DLGAP1: variants seen among roughly 807,000 people sequenced by gnomAD.
The protein encoded by DLGAP1 is DLG associated protein 1, also known as disks large-associated protein 1.
Under a neutral mutation model 90.8 loss-of-function variants are expected in DLGAP1, and 11 were observed. That is an observed-to-expected ratio of 0.12 (90% CI 0.08 to 0.20). DLGAP1 has a LOEUF of 0.20. Ranked by LOEUF, DLGAP1 falls within the 10% of genes least tolerant of loss-of-function variation. DLGAP1 has a pLI of 1.00. For missense variants in DLGAP1, 1,050 were observed against 1,333.8 expected (o/e 0.79, Z 3.31); for synonymous variants, 558 against 540.7 (o/e 1.03, Z -0.44).
chr18:4,232,077 GTAT>G (rs1322967165), intron 1 of DLGAP1, among the ~76,000 whole-genome samples: 1 of 152,028 alleles, frequency 6.6e-6, no homozygotes, highest in East Asian at 1.9e-4. Flanking sequence ...TAAAGGTAAG[GTAT>G]TATTAAATCA....
At chr18:4,034,039 T>A (rs1454787790) in intron 2 of DLGAP1, among the ~76,000 whole-genome samples, 1 of 128,920 alleles carries the variant, frequency 7.8e-6, no homozygotes, top group Non-Finnish European at 1.6e-5. Context: ...GCCCGGCCCT[T>A]TTTTTTTTTT....
chr18:3,601,846 G>GAAA lies in DLGAP1; in HGVS notation c.1592-19601_1592-19599dup, dbSNP rs60470269. ...GGTGACAGAGCGAGACTCCATCTCGGAAAAAAAAAAAAATTAGCTGGGCGT... is the reference window on the plus strand; with the variant it reads ...GGTGACAGAGCGAGACTCCATCTCGGAAAAAAAAAAAAAAAATTAGCTGGGCGT... On this transcript the variant is annotated intron_variant, in intron 7 of 12. Transcript: ENST00000315677. Among the ~76,000 whole-genome samples the GAAA allele has an allele frequency of 2.3e-4, 22 of 96,982 alleles. 2 individuals are homozygous for GAAA. The highest frequency in any genetic ancestry group is 2.1e-4 in the Non-Finnish European group (11 of 53,396). The allele number at this position is 96,982 out of a possible 152,430, so 63.6% of individuals were successfully genotyped here.
chr18:4,092,039 G>T (rs1397777777), intron 2 of DLGAP1, among the ~76,000 whole-genome samples: 1 of 152,006 alleles, frequency 6.6e-6, no homozygotes, highest in East Asian at 1.9e-4. Context: ...TGCTGGAGTT[G>T]GTCAATCTAG....
intron 7 of DLGAP1, chr18:3,656,218 C>G: frequency 1.1e-6 from 1 of 930,592 alleles, no homozygotes; most frequent in Non-Finnish European, 1.6e-6. Context: ...TCTTTTTCTG[C>G]TGGCATTGCA....
At chr18:3,772,349 TTTCTTTC>T (rs2064669568) in intron 5 of DLGAP1, among the ~76,000 whole-genome samples, 1 of 3,392 alleles carries the variant, frequency 2.9e-4, no homozygotes, top group Admixed American at 3.6e-3. Flanking sequence ...TCTCTCTCTC[TTTCTTTC>T]TTTCTTTCTT....
chr18:3,515,468 C>CA (rs55870741), intron 10 of DLGAP1, among the ~76,000 whole-genome samples: 928 of 72,562 alleles, frequency 0.013, 19 homozygotes, highest in African/African-American at 0.048. Context: ...GATTCCATCT[C>CA]AAAAAAAAAA....
intron 1 of DLGAP1, among the ~76,000 whole-genome samples, chr18:4,330,627 G>C (rs2080927441): frequency 6.6e-6 from 1 of 151,738 alleles, no homozygotes; most frequent in Non-Finnish European, 1.5e-5. Flanking sequence ...TGAAATGTGG[G>C]TTATATACAA....
chr18:3,803,953 GGTTCATATATATAT>G (rs2066432855), intron 5 of DLGAP1, among the ~76,000 whole-genome samples: 2 of 76,144 alleles, frequency 2.6e-5, no homozygotes, highest in Non-Finnish European at 5.5e-5. Context: ...GGTTTATGTA[GGTTCATATATATAT>G]ATATATATAT....
chr18:3,588,675 G>C (rs1247433918), intron 7 of DLGAP1, among the ~76,000 whole-genome samples: 2 of 151,052 alleles, frequency 1.3e-5, no homozygotes, highest in Non-Finnish European at 2.9e-5. Context: ...AGCTACTCAG[G>C]AGGCTGAGGC....
At chr18:4,191,894 A>G (rs1053856322) in intron 1 of DLGAP1, among the ~76,000 whole-genome samples, 3 of 152,162 alleles carry the variant, frequency 2.0e-5, no homozygotes, top group African/African-American at 7.2e-5. Context: ...ATGGGTGCAC[A>G]CAATGTATAT....
intron 1 of DLGAP1, among the ~76,000 whole-genome samples, chr18:4,243,659 T>G (rs1179175015): frequency 1.3e-5 from 2 of 152,210 alleles, no homozygotes; most frequent in African/African-American, 2.4e-5. Context: ...TCATGTCCCA[T>G]GATGTTTCTT....
intron 8 of DLGAP1, among the ~76,000 whole-genome samples, chr18:3,574,316 T>C (rs911712276): frequency 3.9e-5 from 6 of 152,240 alleles, no homozygotes; most frequent in African/African-American, 1.4e-4. Flanking sequence ...CTTTATATTG[T>C]AATATTTCTT....
At chr18:3,770,485 G>A (rs1417454655) in intron 5 of DLGAP1, among the ~76,000 whole-genome samples, 2 of 152,110 alleles carry the variant, frequency 1.3e-5, no homozygotes, top group Non-Finnish European at 2.9e-5. Context: ...ATAGGAAAAG[G>A]CATTTAAAAT....
At chr18:4,365,032 G>T (rs904478056) in intron 1 of DLGAP1, among the ~76,000 whole-genome samples, 1 of 152,122 alleles carries the variant, frequency 6.6e-6, no homozygotes, top group African/African-American at 2.4e-5. Flanking sequence ...TGATTGTTAT[G>T]ATTTCATTTC....
At chr18:3,911,719 A>G (rs1477099524) in intron 3 of DLGAP1, among the ~76,000 whole-genome samples, 3 of 152,218 alleles carry the variant, frequency 2.0e-5, no homozygotes, top group Non-Finnish European at 4.4e-5. Flanking sequence ...ATTTAGCAGG[A>G]ACTGAAATGA....
At chr18:4,155,048 A>G (rs984176967) in intron 1 of DLGAP1, among the ~76,000 whole-genome samples, 5 of 152,118 alleles carry the variant, frequency 3.3e-5, no homozygotes, top group Admixed American at 1.3e-4. Context: ...ATAGGTAGGG[A>G]GGTGTAGGGA....
intron 1 of DLGAP1, among the ~76,000 whole-genome samples, chr18:4,386,264 T>C (rs2082228571): frequency 6.6e-6 from 1 of 152,190 alleles, no homozygotes; most frequent in Non-Finnish European, 1.5e-5. Context: ...CTAGACTATC[T>C]GAAGGCTAGA....
intron 3 of DLGAP1, chr18:3,986,089 T>A (rs2073836618): frequency 6.6e-6 from 1 of 152,118 alleles, no homozygotes; most frequent in Non-Finnish European, 1.5e-5. Flanking sequence ...CTCTGGAACA[T>A]CCTCCCTCTT....
chr18:4,290,591 A>C (rs1010292435), intron 1 of DLGAP1, among the ~76,000 whole-genome samples: 4 of 152,228 alleles, frequency 2.6e-5, no homozygotes. Context: ...TTTAGAATTC[A>C]TCAAAGACGG....
Sources: allele counts gnomAD v4.1 joint callset (sites outside exome capture counted in the v4.1 genomes callset), GRCh38; gene constraint gnomAD v4.1.1; transcripts MANE v1.5; gene names NCBI Gene and HGNC (gene_info 2026-07-23, HGNC 2026-07-21).